Variants in CSMD1 observed in about 807,000 individuals in gnomAD.
CSMD1 encodes the protein CUB and sushi domain-containing protein 1.
A neutral mutation model predicts 417.5 loss-of-function variants in CSMD1; 213 were observed. The ratio of observed to expected loss-of-function variants is 0.51; its 90% CI spans 0.46 to 0.57. The LOEUF is 0.57. CSMD1 is among the 20% of genes least tolerant of loss of function. The pLI is 0.00. For missense variants in CSMD1, 6,923 were observed against 4,529.7 expected, an observed-to-expected ratio of 1.53 and a Z score of -15.17; for synonymous variants, 2,862 against 1,736.8, an observed-to-expected ratio of 1.65 and a Z score of -16.11.
intron 3 of CSMD1, among the ~76,000 whole-genome samples, chr8:4,417,435 C>T (rs1658815): frequency 0.71 from 108,135 of 151,824 alleles, 39,853 homozygotes; most frequent in East Asian, 0.94. Context: ...TTGGAAGATT[C>T]TTCTCCTTTC....
rs534541519 is a variant in CSMD1, at chr8:4,772,468, T to C, written c.86-134910A>G. ...AGCTTTAATTATATCATGAGCGTCA[T>C]CCGGTCATGGAGCAAAACATAATAT... On this transcript the variant is annotated intron_variant, in intron 1 of 69. Transcript: ENST00000635120. 9.8e-5 allele frequency among the ~76,000 whole-genome samples: 15 copies of C among 152,324 alleles called. No homozygotes were observed. In the South Asian group the frequency reaches 3.1e-3, roughly 32 times the overall value.
intron 23 of CSMD1, among the ~76,000 whole-genome samples, chr8:3,342,891 A>ATGTG (rs757003156): frequency 9.7e-4 from 70 of 72,262 alleles, no homozygotes; most frequent in African/African-American, 2.0e-3. Context: ...GTATAAATAT[A>ATGTG]TGTGTGTATG....
In CSMD1 at chr8:4,028,819, C is replaced by T. The variant is rs1797197220; in HGVS notation, c.610+3086G>A. Among the ~76,000 whole-genome samples, 8 of 152,118 alleles carry T rather than the reference C, an allele frequency of 5.3e-5. No individual in the cohort carries two copies. In the South Asian group the frequency reaches 1.7e-3, roughly 31 times the overall value. ...AAATTTTCTGGCATCTCATTAAGAC[C>T]TCAATAAATGTTAGGTATGCTTTTA... On this transcript the variant is annotated intron_variant, in intron 4 of 69. Coordinates refer to ENST00000635120, the MANE Select transcript of CSMD1 (RefSeq NM_033225.6).
chr8:3,520,673 G>C (rs1357920258), intron 10 of CSMD1, among the ~76,000 whole-genome samples: 1 of 151,754 alleles, frequency 6.6e-6, no homozygotes, highest in African/African-American at 2.4e-5. Flanking sequence ...TTGTTTATTT[G>C]TTTCTTTAAG....
chr8:3,487,415 A>G (rs538306367), intron 11 of CSMD1, among the ~76,000 whole-genome samples: 3 of 152,054 alleles, frequency 2.0e-5, no homozygotes, highest in Non-Finnish European at 4.4e-5. Context: ...GTTAGCCAGG[A>G]TGGTCTCGTT....
intron 2 of CSMD1, among the ~76,000 whole-genome samples, chr8:4,630,351 G>A (rs1296078162): frequency 6.6e-6 from 1 of 151,064 alleles, no homozygotes; most frequent in African/African-American, 2.4e-5. Flanking sequence ...TATCACTTAG[G>A]GAAGGAGAGA....
intron 25 of CSMD1, among the ~76,000 whole-genome samples, chr8:3,296,712 A>AG (rs1225784090): frequency 6.6e-6 from 1 of 152,150 alleles, no homozygotes; most frequent in Non-Finnish European, 1.5e-5. Flanking sequence ...GGCTTGGAAG[A>AG]GGTGTGCGTG....
At chr8:4,825,192 G>C (rs1042691958) in intron 1 of CSMD1, among the ~76,000 whole-genome samples, 1 of 152,058 alleles carries the variant, frequency 6.6e-6, no homozygotes, top group Non-Finnish European at 1.5e-5. Flanking sequence ...TTTTTGAAGA[G>C]ATGTAATCAA....
intron 2 of CSMD1, among the ~76,000 whole-genome samples, chr8:4,553,158 G>C (rs1449051511): frequency 6.6e-6 from 1 of 152,200 alleles, no homozygotes; most frequent in African/African-American, 2.4e-5. Context: ...CTGTTGCTTT[G>C]TACGTTTTCA....
chr8:4,875,530 G>T (rs1297675714), intron 1 of CSMD1, among the ~76,000 whole-genome samples: 1 of 151,928 alleles, frequency 6.6e-6, no homozygotes, highest in Non-Finnish European at 1.5e-5. Context: ...TTTGTCTAGC[G>T]CCATCTACTG....
chr8:4,316,754 A>C (rs1194374264), intron 3 of CSMD1, among the ~76,000 whole-genome samples: 1 of 152,088 alleles, frequency 6.6e-6, no homozygotes, highest in East Asian at 1.9e-4. Flanking sequence ...AAGTGGTCGA[A>C]CGCCCCCAAA....
intron 5 of CSMD1, among the ~76,000 whole-genome samples, chr8:3,919,206 AAAAAG>A (rs1183135289): frequency 2.0e-5 from 3 of 148,656 alleles, no homozygotes; most frequent in African/African-American, 7.6e-5. Flanking sequence ...AAAAAAAAAA[AAAAAG>A]AAAGAAATCA....
At chr8:4,139,012 A>T (rs77793817) in intron 3 of CSMD1, among the ~76,000 whole-genome samples, 44,981 of 151,980 alleles carry the variant, frequency 0.3, 8,076 homozygotes, top group Non-Finnish European at 0.39. Context: ...CACATGCAGA[A>T]AGGACATATG....
chr8:3,654,164 A>G (rs183795262), intron 7 of CSMD1, among the ~76,000 whole-genome samples: 65 of 152,364 alleles, frequency 4.3e-4, no homozygotes, highest in Non-Finnish European at 7.8e-4. Context: ...GCACACACAC[A>G]TCACTGAAGA....
chr8:3,234,169 G>A (rs1421533194), intron 26 of CSMD1, among the ~76,000 whole-genome samples: 1 of 152,188 alleles, frequency 6.6e-6, no homozygotes, highest in African/African-American at 2.4e-5. Context: ...GGCAATCAGG[G>A]CAGGGCTGGC....
chr8:3,720,699 AC>A (rs1321968855), intron 6 of CSMD1, among the ~76,000 whole-genome samples: 14 of 151,902 alleles, frequency 9.2e-5, no homozygotes, highest in Admixed American at 3.3e-4. Context: ...CTTAAATGAT[AC>A]CTAGTTCCAG....
At chr8:4,884,204 C>T (rs1447674216) in intron 1 of CSMD1, among the ~76,000 whole-genome samples, 8 of 149,648 alleles carry the variant, frequency 5.3e-5, no homozygotes, top group Middle Eastern at 3.2e-3. Context: ...GTAAGAACTT[C>T]GTGTGTGTGT....
intron 10 of CSMD1, among the ~76,000 whole-genome samples, chr8:3,573,267 C>G (rs545783077): frequency 3.9e-5 from 6 of 152,248 alleles, no homozygotes; most frequent in African/African-American, 1.4e-4. Context: ...CATGCAACTA[C>G]TAAGTGGCAG....
intron 40 of CSMD1, among the ~76,000 whole-genome samples, chr8:3,146,947 A>T (rs1818883471): frequency 6.6e-6 from 1 of 152,214 alleles, no homozygotes; most frequent in Admixed American, 6.5e-5. Context: ...TTGTATGGGA[A>T]GATTCATAAT....
Sources: allele counts gnomAD v4.1 joint callset (sites outside exome capture counted in the v4.1 genomes callset), GRCh38; gene constraint gnomAD v4.1.1; transcripts MANE v1.5; gene names NCBI Gene and HGNC (gene_info 2026-07-23, HGNC 2026-07-21).